Variants in JAKMIP2 observed in about 807,000 individuals in gnomAD.
The protein encoded by JAKMIP2 is janus kinase and microtubule interacting protein 2, also known as janus kinase and microtubule-interacting protein 2.
Under a neutral mutation model 115.0 loss-of-function variants are expected in JAKMIP2, and 25 were observed. The observed-to-expected ratio is 0.22, with a 90% CI of 0.16 to 0.30. The LOEUF is 0.30. JAKMIP2 is among the 10% of genes least tolerant of loss of function. JAKMIP2 has a pLI of 1.00. For missense variants in JAKMIP2, 642 were observed against 957.6 expected (o/e 0.67, Z 4.35); for synonymous variants, 334 against 343.6 (o/e 0.97, Z 0.31).
chr5:147,666,985 C>CA (rs1202704443), intron 2 of JAKMIP2, among the ~76,000 whole-genome samples: 2 of 151,934 alleles, frequency 1.3e-5, no homozygotes, highest in Admixed American at 1.3e-4. Flanking sequence ...TATAAAAGTA[C>CA]CCATATCATC....
At chr5:147,659,546 G>A (rs1242949346) in intron 3 of JAKMIP2, among the ~76,000 whole-genome samples, 3 of 152,096 alleles carry the variant, frequency 2.0e-5, no homozygotes, top group Admixed American at 1.3e-4. Flanking sequence ...GCAATATGCC[G>A]GTGAAAGGAA....
At chr5:147,696,036 G>C (rs571286095) in intron 1 of JAKMIP2, among the ~76,000 whole-genome samples, 25 of 152,154 alleles carry the variant, frequency 1.6e-4, no homozygotes, top group Middle Eastern at 3.4e-3. Flanking sequence ...GCTTCTACCA[G>C]CCTTAACTTT....
At chr5:147,640,104 C>A (rs952460945) in intron 9 of JAKMIP2, among the ~76,000 whole-genome samples, 1 of 152,034 alleles carries the variant, frequency 6.6e-6, no homozygotes, top group East Asian at 1.9e-4. Flanking sequence ...GGAAATGATA[C>A]CCTAGAATTT....
chr5:147,750,594 A>ACAC (rs1561575467), intron 1 of JAKMIP2, among the ~76,000 whole-genome samples: 1 of 151,324 alleles, frequency 6.6e-6, no homozygotes, highest in African/African-American at 2.4e-5. Flanking sequence ...ACACACACAC[A>ACAC]AAAGAAACCT....
intron 1 of JAKMIP2, among the ~76,000 whole-genome samples, chr5:147,751,486 C>G (rs1478696465): frequency 2.6e-5 from 4 of 151,700 alleles, no homozygotes; most frequent in Non-Finnish European, 4.4e-5. Context: ...CTACTTTAAA[C>G]AAAAAGAAAA....
chr5:147,646,684 T>C (rs928917620), intron 5 of JAKMIP2, among the ~76,000 whole-genome samples: 17 of 151,568 alleles, frequency 1.1e-4, no homozygotes, highest in South Asian at 2.1e-4. Context: ...CATATATATA[T>C]ACACATACAC....
At chr5:147,601,627 C>T (rs1755704658) in intron 21 of JAKMIP2, 114 bp downstream of exon 21, 2 of 582,162 alleles carry the variant, frequency 3.4e-6, no homozygotes, top group Non-Finnish European at 5.7e-6. Flanking sequence ...CAAAACAAAA[C>T]AAAACAAAAC....
At chr5:147,597,820 G>A (rs1171231605) in intron 21 of JAKMIP2, among the ~76,000 whole-genome samples, 1 of 152,156 alleles carries the variant, frequency 6.6e-6, no homozygotes, top group East Asian at 1.9e-4. Context: ...AACAGTGTTG[G>A]GAGTTGGAAC....
At chr5:147,637,597 G>A (rs1464156312) in intron 10 of JAKMIP2, among the ~76,000 whole-genome samples, 2 of 151,706 alleles carry the variant, frequency 1.3e-5, no homozygotes, top group Admixed American at 6.6e-5. Flanking sequence ...CGGCCACCAC[G>A]CCCAGCTAAT....
intron 21 of JAKMIP2, 35 bp downstream of exon 21, chr5:147,601,706 T>A: frequency 6.9e-7 from 1 of 1,457,838 alleles, no homozygotes; most frequent in South Asian, 1.3e-5. Context: ...AAATACCTCT[T>A]AGAACCACAT....
intron 1 of JAKMIP2, among the ~76,000 whole-genome samples, chr5:147,695,229 A>C (rs921000527): frequency 2.0e-5 from 3 of 152,210 alleles, no homozygotes; most frequent in African/African-American, 7.2e-5. Flanking sequence ...AGTGCTGTTG[A>C]ATACACGCTT....
At chr5:147,730,011 A>C (rs1460150895) in intron 1 of JAKMIP2, among the ~76,000 whole-genome samples, 1 of 152,160 alleles carries the variant, frequency 6.6e-6, no homozygotes, top group Non-Finnish European at 1.5e-5. Context: ...AATAGGAAGA[A>C]CAGCCATCTG....
chr5:147,666,480 G>A (rs139611404), intron 2 of JAKMIP2, among the ~76,000 whole-genome samples: 1 of 152,150 alleles, frequency 6.6e-6, no homozygotes, highest in Non-Finnish European at 1.5e-5. Context: ...TTTATTGAGG[G>A]TTTAATATGA....
At chr5:147,600,097 T>G (rs1011628397) in intron 21 of JAKMIP2, among the ~76,000 whole-genome samples, 4 of 147,900 alleles carry the variant, frequency 2.7e-5, no homozygotes, top group Admixed American at 2.0e-4. Context: ...GTTTTTTTTT[T>G]TTTTTTTTTT....
chr5:147,659,879 A>T (rs980606304), intron 3 of JAKMIP2, among the ~76,000 whole-genome samples: 1 of 152,224 alleles, frequency 6.6e-6, no homozygotes, highest in African/African-American at 2.4e-5. Flanking sequence ...AAAAATAAAC[A>T]TTAACTTTTA....
Position 147,586,794 on chromosome 5 carries a change from T to C in JAKMIP2, c.*4913A>G, listed in dbSNP as rs1038374242. The stretch of plus-strand genomic sequence containing the variant: ...TTTTTTTTGAGATGAGGTCTCACCA[T>C]GTTGCCCAGGCCGTTATGAAACTCC... On this transcript the variant is annotated 3_prime_UTR_variant, in exon 22 of 22. Coordinates refer to ENST00000616793, the MANE Select transcript of JAKMIP2 (RefSeq NM_001270941.2). 1 of 147,800 alleles carries C rather than the reference T, an allele frequency of 6.8e-6. No individual in the cohort carries two copies. Among genetic ancestry groups the C allele is most frequent in the African/African-American group, 2.5e-5 (1 of 39,946 alleles). The allele number at this position is 147,800 out of a possible 1,614,324, so 9.2% of individuals were successfully genotyped here.
chr5:147,686,539 C>T (rs1169272511), intron 1 of JAKMIP2, among the ~76,000 whole-genome samples: 2 of 152,124 alleles, frequency 1.3e-5, no homozygotes, highest in Non-Finnish European at 2.9e-5. Flanking sequence ...CCACTGTATC[C>T]GCAGTGCTTA....
At chr5:147,618,410 G>A (rs1756689604) in intron 18 of JAKMIP2, among the ~76,000 whole-genome samples, 1 of 138,604 alleles carries the variant, frequency 7.2e-6, no homozygotes, top group South Asian at 2.1e-4. Context: ...CTATCCTAAA[G>A]TGTAGCTGAG....
At chr5:147,618,355 T>C (rs1756687045) in intron 18 of JAKMIP2, among the ~76,000 whole-genome samples, 2 of 152,258 alleles carry the variant, frequency 1.3e-5, no homozygotes, top group Non-Finnish European at 2.9e-5. Flanking sequence ...ATTTGTTCTT[T>C]CTTGGGACCC....
Sources: gnomAD v4.1 joint callset for allele counts (sites outside exome capture counted in the v4.1 genomes callset) on GRCh38, gnomAD v4.1.1 for gene constraint, MANE v1.5 for transcripts, NCBI Gene and HGNC (gene_info 2026-07-23, HGNC 2026-07-21) for gene names.